Variants in GPM6B observed in about 807,000 individuals in gnomAD.
The protein encoded by GPM6B is neuronal membrane glycoprotein M6-b.
In GPM6B, 4 loss-of-function variants were observed where a neutral mutation model predicts 27.2. That is an observed-to-expected ratio of 0.15 (90% CI 0.07 to 0.34). The LOEUF is 0.34. Ranked by LOEUF, GPM6B falls within the 10% of genes least tolerant of loss-of-function variation. GPM6B has a pLI of 1.00. For missense variants in GPM6B, 183 were observed against 261.9 expected (o/e 0.70, Z 2.08); for synonymous variants, 124 against 103.1 (o/e 1.20, Z -1.23).
chrX:13,821,403 G>A (rs1460592007), upstream of GPM6B, among the ~76,000 whole-genome samples: 2 of 111,933 alleles, frequency 1.8e-5, no homozygotes, highest in East Asian at 5.6e-4. Flanking sequence ...TATGCTTTGT[G>A]TGTCTGGGAT....
chrX:13,794,182 C>CTT (rs2048765810), intron 2 of GPM6B, among the ~76,000 whole-genome samples: 2 of 107,161 alleles, frequency 1.9e-5, no homozygotes, highest in African/African-American at 6.9e-5. Context: ...CTCTCTCTCT[C>CTT]TCTCTTTTTT....
intron 1 of GPM6B, among the ~76,000 whole-genome samples, chrX:13,832,026 A>C (rs2147217937): frequency 8.9e-6 from 1 of 112,075 alleles, no homozygotes; most frequent in Admixed American, 9.5e-5. Context: ...CTTTTCATGA[A>C]CTGGGAATTA....
At chrX:13,926,211 G>A (rs371657751) in intron 1 of GPM6B, among the ~76,000 whole-genome samples, 7 of 107,320 alleles carry the variant, frequency 6.5e-5, no homozygotes, top group Admixed American at 4.1e-4. Flanking sequence ...AGACCATCCT[G>A]GCTAACGCGG....
chrX:13,833,415 C>T (rs2049460268), intron 1 of GPM6B, among the ~76,000 whole-genome samples: 2 of 109,776 alleles, frequency 1.8e-5, no homozygotes, highest in African/African-American at 6.7e-5. Context: ...CATAATGGTA[C>T]ACTTTAAAAA....
In GPM6B at chrX:13,771,686, TC is replaced by T. The variant is rs2048301327; in HGVS notation, c.*1194del. 8.9e-6 allele frequency: 1 copy of T among 112,190 alleles called. No homozygotes were observed. The highest frequency in any genetic ancestry group is 3.2e-5 in the African/African-American group (1 of 30,854). The allele number at this position is 112,190 out of a possible 1,213,427, so 9.2% of individuals were successfully genotyped here. ...ATAAAGAGCAACACAAAGTTTACCA[TC>T]ACTAATACCCAGTACCTACAGTCAC... On this transcript the variant is annotated 3_prime_UTR_variant, in exon 8 of 8. Coordinates refer to ENST00000316715, the MANE Select transcript of GPM6B (RefSeq NM_001001995.3).
At position 13,929,753 on chromosome X, in the gene GPM6B, T is replaced by C. The variant is rs767711546; in HGVS notation, c.-198+8574A>G. Reference sequence around the variant, plus strand: ...AACACAGATGCTGCAAAACACTCTATAATGCGCAGGACAGCCCTCATACTC... The same window carrying C: ...AACACAGATGCTGCAAAACACTCTACAATGCGCAGGACAGCCCTCATACTC... On this transcript the variant is annotated intron_variant, in intron 1 of 6. Coordinates refer to the GPM6B transcript ENST00000398361. 7.2e-5 allele frequency among the ~76,000 whole-genome samples: 8 copies of C among 111,342 alleles called. No individual in the cohort carries two copies. The South Asian group carries it at 2.3e-3, about 32-fold the overall frequency.
intron 4 of GPM6B, among the ~76,000 whole-genome samples, chrX:13,782,027 AGCATCCTCAGCCCTGCCCCGTCACCT>A (rs1181433819): frequency 9.0e-6 from 1 of 111,590 alleles, no homozygotes; most frequent in Non-Finnish European, 1.9e-5. Flanking sequence ...TTCTGTCCCC[AGCATCCTCAGCCCTGCCCCGTCACCT>A]GCATCTTCCT....
chrX:13,820,815 G>A (rs1393211730), upstream of GPM6B, among the ~76,000 whole-genome samples: 1 of 111,175 alleles, frequency 9.0e-6, no homozygotes, highest in Non-Finnish European at 1.9e-5. Context: ...AACACTTCTG[G>A]GCACATAGCG....
At chrX:13,813,257 A>G (rs1201256434) in intron 1 of GPM6B, among the ~76,000 whole-genome samples, 1 of 110,470 alleles carries the variant, frequency 9.1e-6, no homozygotes, top group Non-Finnish European at 1.9e-5. Flanking sequence ...CCAAAAGTGC[A>G]TACATTTTGC....
At chrX:13,926,566 G>A (rs1921224162) in intron 1 of GPM6B, among the ~76,000 whole-genome samples, 1 of 112,146 alleles carries the variant, frequency 8.9e-6, no homozygotes, top group Non-Finnish European at 1.9e-5. Flanking sequence ...TAGTAGCACA[G>A]AGATGCCAAA....
intron 1 of GPM6B, among the ~76,000 whole-genome samples, chrX:13,885,391 C>CT (rs1486814414): frequency 2.7e-5 from 3 of 112,154 alleles, no homozygotes; most frequent in East Asian, 2.8e-4. Flanking sequence ...CAATCTCTCT[C>CT]TTTTTTTCCT....
intron 1 of GPM6B, among the ~76,000 whole-genome samples, chrX:13,837,724 G>GC (rs35999527): frequency 0.14 from 4,711 of 32,773 alleles, 962 homozygotes; most frequent in East Asian, 0.23. Context: ...GGGGGGGGGG[G>GC]GGGGAAGCAG....
At chrX:13,841,218 A>T (rs772614976) in intron 1 of GPM6B, among the ~76,000 whole-genome samples, 1 of 111,874 alleles carries the variant, frequency 8.9e-6, no homozygotes, top group Non-Finnish European at 1.9e-5. Flanking sequence ...ACTCAGTATG[A>T]TAAGTTGAGT....
intron 1 of GPM6B, among the ~76,000 whole-genome samples, chrX:13,823,211 G>C (rs1432208423): frequency 8.9e-6 from 1 of 112,366 alleles, no homozygotes; most frequent in Non-Finnish European, 1.9e-5. Context: ...TTGGTGTATA[G>C]GAAAATGCTT....
intron 5 of GPM6B, among the ~76,000 whole-genome samples, chrX:13,779,153 G>T (rs546574538): frequency 3.1e-4 from 35 of 111,576 alleles, no homozygotes; most frequent in African/African-American, 1.1e-3. Context: ...ACTCAGCAGC[G>T]AAGTCAAGTC....
intron 1 of GPM6B, among the ~76,000 whole-genome samples, chrX:13,921,770 G>A (rs1920980094): frequency 9.0e-6 from 1 of 110,938 alleles, no homozygotes; most frequent in Admixed American, 9.6e-5. Flanking sequence ...GTAGAGACGG[G>A]GTTTCGCCAT....
chrX:13,924,818 G>T (rs1252138056), intron 1 of GPM6B, among the ~76,000 whole-genome samples: 1 of 111,327 alleles, frequency 9.0e-6, no homozygotes, highest in Non-Finnish European at 1.9e-5. Context: ...CCCTGCTCTT[G>T]GAGAAAATAT....
At chrX:13,823,253 G>A (rs941186519) in intron 1 of GPM6B, among the ~76,000 whole-genome samples, 10 of 112,249 alleles carry the variant, frequency 8.9e-5, no homozygotes, top group Non-Finnish European at 1.7e-4. Flanking sequence ...ACTATAAGCC[G>A]TCATTGCTAG....
intron 1 of GPM6B, among the ~76,000 whole-genome samples, chrX:13,881,192 C>T (rs778146884): frequency 8.9e-6 from 1 of 112,269 alleles, no homozygotes; most frequent in Admixed American, 9.4e-5. Context: ...AACTGAAACA[C>T]TAAGTGGAGC....
Sources: gnomAD v4.1 joint callset for allele counts (sites outside exome capture counted in the v4.1 genomes callset) on GRCh38, gnomAD v4.1.1 for gene constraint, MANE v1.5 for transcripts, NCBI Gene and HGNC (gene_info 2026-07-23, HGNC 2026-07-21) for gene names.